The following TEX11 variants were observed in gnomAD, a reference collection of about 807,000 sequenced individuals.
The protein encoded by TEX11 is testis-expressed protein 11.
TEX11 carries 7 observed loss-of-function variants against 84.4 expected under a neutral mutation model. The observed-to-expected ratio is 0.08, with a 90% CI of 0.05 to 0.16. TEX11 has a LOEUF of 0.16. Among genes scored for constraint, TEX11 ranks in the 10% least tolerant of loss-of-function variants. The pLI is 1.00. For missense variants in TEX11, 551 were observed against 660.5 expected (o/e 0.83, Z 1.82); for synonymous variants, 264 against 222.8 (o/e 1.18, Z -1.64).
At chrX:70,631,719 G>A (rs1010406445) in intron 17 of TEX11, among the ~76,000 whole-genome samples, 3 of 75,638 alleles carry the variant, frequency 4.0e-5, no homozygotes, top group African/African-American at 1.0e-4. Context: ...AAAGCCTAAC[G>A]TCATGGTGTC....
chrX:70,749,833 A>G (rs1019839211), intron 9 of TEX11, among the ~76,000 whole-genome samples: 1 of 110,032 alleles, frequency 9.1e-6, no homozygotes, highest in Admixed American at 9.9e-5. Flanking sequence ...CCAGTATTTT[A>G]TCGAGGATTT....
chrX:70,594,576 A>C (rs1016681107), intron 24 of TEX11, among the ~76,000 whole-genome samples: 2 of 111,440 alleles, frequency 1.8e-5, no homozygotes, highest in African/African-American at 6.5e-5. Flanking sequence ...ATAACAGCAC[A>C]AGAGGCAGGT....
intron 9 of TEX11, among the ~76,000 whole-genome samples, chrX:70,790,790 C>T (rs1456575122): frequency 1.2e-4 from 13 of 112,068 alleles, no homozygotes; most frequent in Non-Finnish European, 3.8e-5. Flanking sequence ...CTTGGGTGCA[C>T]TTCAGCCCCG....
chrX:70,872,761 A>G (rs1158031651), intron 4 of TEX11, among the ~76,000 whole-genome samples: 1 of 112,166 alleles, frequency 8.9e-6, no homozygotes, highest in Non-Finnish European at 1.9e-5. Context: ...TCCAATGTTT[A>G]TCAATCCATC....
intron 17 of TEX11, among the ~76,000 whole-genome samples, chrX:70,646,585 T>C (rs1402954423): frequency 8.9e-6 from 1 of 112,124 alleles, no homozygotes; most frequent in Non-Finnish European, 1.9e-5. Flanking sequence ...AAGACACTTC[T>C]CAAAAGGAGA....
intron 13 of TEX11, among the ~76,000 whole-genome samples, chrX:70,705,113 T>C (rs1431238882): frequency 9.0e-6 from 1 of 111,382 alleles, no homozygotes; most frequent in African/African-American, 3.3e-5. Flanking sequence ...TGTAGATGTG[T>C]GGTATTATTT....
chrX:70,650,183 T>C (rs1329092180), intron 17 of TEX11, among the ~76,000 whole-genome samples: 1 of 111,234 alleles, frequency 9.0e-6, no homozygotes, highest in African/African-American at 3.3e-5. Flanking sequence ...GTATTTTTTT[T>C]CTACATTGTG....
chrX:70,762,014 T>A (rs892819064), intron 9 of TEX11, among the ~76,000 whole-genome samples: 1 of 111,841 alleles, frequency 8.9e-6, no homozygotes, highest in African/African-American at 3.3e-5. Flanking sequence ...GTATTTAAAC[T>A]GTTGAAGGAA....
intron 4 of TEX11, among the ~76,000 whole-genome samples, chrX:70,865,926 C>A (rs923549829): frequency 1.8e-5 from 2 of 111,833 alleles, no homozygotes; most frequent in Non-Finnish European, 3.8e-5. Flanking sequence ...TAAATGCCCA[C>A]ATCGGAAAGC....
rs763830573 is a variant in TEX11 at position 70,900,270 on chromosome X, C to T, written c.37+7483G>A. On this transcript the variant is annotated intron_variant, in intron 2 of 29. Transcript: ENST00000374333. ...CCTGTAATCCCAGCTACTTGGGAGG[C>T]TGAGGCAGGAGAATCGCTTGAACCC... is the stretch of plus-strand genomic sequence containing the variant. 1.1e-4 allele frequency among the ~76,000 whole-genome samples: 12 copies of T among 106,770 alleles called. No individual in the cohort carries two copies. The South Asian group carries it at 1.3e-3, about 11-fold the overall frequency. 92.7% of individuals were successfully genotyped at this position (106,770 alleles called of 115,157 possible).
chrX:70,842,065 G>C (rs2091449005), intron 7 of TEX11, among the ~76,000 whole-genome samples: 1 of 110,761 alleles, frequency 9.0e-6, no homozygotes, highest in Non-Finnish European at 1.9e-5. Context: ...AGGAGGAGCT[G>C]GTACCATTCC....
At chrX:70,809,144 T>C (rs755462880) in intron 8 of TEX11, among the ~76,000 whole-genome samples, 1 of 112,035 alleles carries the variant, frequency 8.9e-6, no homozygotes, top group Non-Finnish European at 1.9e-5. Flanking sequence ...TCAGAAACTA[T>C]GACAGTTATT....
At chrX:70,864,956 A>G (rs1389048931) in intron 4 of TEX11, among the ~76,000 whole-genome samples, 1 of 110,995 alleles carries the variant, frequency 9.0e-6, no homozygotes, top group Non-Finnish European at 1.9e-5. Context: ...CAAAATATAA[A>G]GACCAATGGC....
chrX:70,660,953 C>T (rs766313725), intron 16 of TEX11, among the ~76,000 whole-genome samples: 1 of 112,013 alleles, frequency 8.9e-6, no homozygotes, highest in African/African-American at 3.2e-5. Context: ...GTGAGCGACA[C>T]AGAAGACAAA....
chrX:70,571,009 GTGT>G (rs141569205), intron 25 of TEX11, among the ~76,000 whole-genome samples: 15,901 of 109,569 alleles, frequency 0.15, 1,114 homozygotes, highest in Non-Finnish European at 0.19. Context: ...TTGATTTTCT[GTGT>G]TGTTGTTGTT....
chrX:70,749,827 T>C (rs1286682813), intron 9 of TEX11, among the ~76,000 whole-genome samples: 1 of 109,996 alleles, frequency 9.1e-6, no homozygotes, highest in Non-Finnish European at 1.9e-5. Context: ...GTTTTGCCAG[T>C]ATTTTATCGA....
At chrX:70,713,433 G>C (rs1215908960) in intron 13 of TEX11, among the ~76,000 whole-genome samples, 4 of 111,463 alleles carry the variant, frequency 3.6e-5, no homozygotes, top group Non-Finnish European at 7.5e-5. Context: ...GACTTTTTTT[G>C]GTTGGTAAGC....
intron 11 of TEX11, among the ~76,000 whole-genome samples, chrX:70,729,517 A>C (rs1036703325): frequency 3.6e-5 from 4 of 112,348 alleles, no homozygotes; most frequent in Non-Finnish European, 5.6e-5. Flanking sequence ...TGAATGCACA[A>C]GCTTCAGTAG....
chrX:70,785,778 C>T (rs988952594), intron 9 of TEX11, among the ~76,000 whole-genome samples: 1 of 112,023 alleles, frequency 8.9e-6, no homozygotes, highest in African/African-American at 3.2e-5. Flanking sequence ...GATACCATCT[C>T]ACACCCGTTA....
Sources: gnomAD v4.1 joint callset for allele counts (sites outside exome capture counted in the v4.1 genomes callset) on GRCh38, gnomAD v4.1.1 for gene constraint, MANE v1.5 for transcripts, NCBI Gene and HGNC (gene_info 2026-07-23, HGNC 2026-07-21) for gene names.